Variants in IMMP2L observed in about 807,000 individuals in gnomAD.
The protein encoded by IMMP2L is mitochondrial inner membrane protease subunit 2.
IMMP2L carries 18 observed loss-of-function variants against 19.3 expected under a neutral mutation model. The ratio of observed to expected loss-of-function variants is 0.93; its 90% CI spans 0.64 to 1.38. The LOEUF is 1.38. Among genes scored for constraint, IMMP2L ranks in the 40% most tolerant of loss-of-function variants. The probability of loss-of-function intolerance (pLI) is 0.00; values close to 1 mark genes in which losing one functional copy is unlikely to be tolerated. For missense variants in IMMP2L, 233 were observed against 218.2 expected (o/e 1.07, Z -0.43); for synonymous variants, 76 against 73.0 (o/e 1.04, Z -0.21).
chr7:111,371,151 T>C (rs1450240071), intron 3 of IMMP2L, among the ~76,000 whole-genome samples: 2 of 151,896 alleles, frequency 1.3e-5, no homozygotes, highest in Non-Finnish European at 1.5e-5. Flanking sequence ...TCAAAATACA[T>C]AGCAACTTGA....
intron 3 of IMMP2L, among the ~76,000 whole-genome samples, chr7:111,289,554 G>A (rs1305078692): frequency 6.6e-6 from 1 of 151,992 alleles, no homozygotes; most frequent in Non-Finnish European, 1.5e-5. Flanking sequence ...AAATTATAAT[G>A]AGCAAATTAT....
chr7:111,123,622 C>G lies in IMMP2L; in HGVS notation c.240-160057G>C. 1 of 1,613,594 alleles carries G rather than the reference C, an allele frequency of 6.2e-7. No homozygotes were observed. The highest frequency in any genetic ancestry group is 8.5e-7 in the Non-Finnish European group (1 of 1,179,710). On this transcript the variant is annotated intron_variant, in intron 3 of 5. Transcript: ENST00000405709. This position sits in a 1 kb window ranked among gnomAD's most constrained non-coding sequence, Gnocchi z 6.4. The stretch of plus-strand genomic sequence containing the variant: ...ACGAAGGGGTGATTTTAGCAATATG[C>G]TACACTTAAAAGAGTTGGGGATAAA...
At chr7:111,186,018 C>T (rs1808226143) in intron 3 of IMMP2L, among the ~76,000 whole-genome samples, 1 of 152,144 alleles carries the variant, frequency 6.6e-6, no homozygotes, top group African/African-American at 2.4e-5. Flanking sequence ...CATCTTAATA[C>T]ATTTAAATAT....
chr7:110,971,012 A>C (rs1332344336), intron 3 of IMMP2L, among the ~76,000 whole-genome samples: 1 of 152,160 alleles, frequency 6.6e-6, no homozygotes, highest in Admixed American at 6.6e-5. Context: ...TGTATTTTCT[A>C]TATCAAACCA....
intron 2 of IMMP2L, among the ~76,000 whole-genome samples, chr7:111,506,134 C>G (rs963511329): frequency 6.6e-6 from 1 of 151,358 alleles, no homozygotes; most frequent in Non-Finnish European, 1.5e-5. Context: ...CTGTCCAGGA[C>G]TTCGAGGCTG....
intron 2 of IMMP2L, among the ~76,000 whole-genome samples, chr7:111,504,493 A>T (rs1484125883): frequency 9.9e-5 from 15 of 152,086 alleles, no homozygotes; most frequent in African/African-American, 3.1e-4. Flanking sequence ...TATGGAACCA[A>T]AAAAGAGCCT....
chr7:111,355,957 A>T (rs1383607163), intron 3 of IMMP2L, among the ~76,000 whole-genome samples: 1 of 152,050 alleles, frequency 6.6e-6, no homozygotes, highest in Non-Finnish European at 1.5e-5. Context: ...TCATGAGTAT[A>T]TGATTATCTG....
chr7:110,694,627 G>T (rs1474679985), intron 5 of IMMP2L, among the ~76,000 whole-genome samples: 3 of 152,088 alleles, frequency 2.0e-5, no homozygotes, highest in African/African-American at 7.2e-5. Flanking sequence ...AACAGAGAGA[G>T]CGAGAGAAAG....
At chr7:111,075,644 C>T (rs1191173986) in intron 3 of IMMP2L, among the ~76,000 whole-genome samples, 1 of 152,030 alleles carries the variant, frequency 6.6e-6, no homozygotes, top group Admixed American at 6.5e-5. Context: ...TCTCACTGTC[C>T]TCTGCTGGCT....
chr7:111,513,412 TC>T (rs770368664), intron 2 of IMMP2L, among the ~76,000 whole-genome samples: 14 of 152,148 alleles, frequency 9.2e-5, no homozygotes, highest in Non-Finnish European at 1.6e-4. Context: ...CAATGAGATG[TC>T]ACCTCATACC....
At chr7:111,167,530 A>T (rs74968287) in intron 3 of IMMP2L, among the ~76,000 whole-genome samples, 2,351 of 152,030 alleles carry the variant, frequency 0.015, 56 homozygotes, top group African/African-American at 0.054. Flanking sequence ...AAATAATATC[A>T]GAAGGTTACC....
At position 111,106,774 on chromosome 7, in the gene IMMP2L, G is replaced by T. The variant is rs1586307661; in HGVS notation, c.240-143209C>A. On this transcript the variant is annotated intron_variant, in intron 3 of 5. Coordinates refer to ENST00000405709, the MANE Select transcript of IMMP2L (RefSeq NM_032549.4). Reference sequence around the variant, plus strand: ...CCTGACTATACTGTATAAGACTTCTGCTGTACCATTTAATCATACCAAAAA... The same window carrying T: ...CCTGACTATACTGTATAAGACTTCTTCTGTACCATTTAATCATACCAAAAA... Among the ~76,000 whole-genome samples the T allele has an allele frequency of 2.0e-5, 3 of 149,918 alleles. 1 individual carries two copies. The highest frequency in any genetic ancestry group is 1.3e-4 in the Admixed American group (2 of 14,924).
intron 3 of IMMP2L, among the ~76,000 whole-genome samples, chr7:111,452,220 T>C (rs899710952): frequency 8.5e-5 from 13 of 152,154 alleles, no homozygotes; most frequent in African/African-American, 3.1e-4. Flanking sequence ...ATGCATCAGG[T>C]TTAGTAAAGC....
At chr7:111,545,187 C>A (rs1585623688) in intron 1 of IMMP2L, among the ~76,000 whole-genome samples, 1 of 151,748 alleles carries the variant, frequency 6.6e-6, no homozygotes, top group African/African-American at 2.4e-5. Flanking sequence ...TCAGCTCTGC[C>A]CATAGATGCT....
At chr7:111,118,499 A>T (rs1241580035) in intron 3 of IMMP2L, among the ~76,000 whole-genome samples, 1 of 152,070 alleles carries the variant, frequency 6.6e-6, no homozygotes, top group Non-Finnish European at 1.5e-5. Context: ...CTAGGTTTTA[A>T]TCCCACCCCA....
chr7:111,063,027 C>T lies in IMMP2L; in HGVS notation c.240-99462G>A, dbSNP rs576464896. 2.4e-3 allele frequency among the ~76,000 whole-genome samples: 363 copies of T among 152,350 alleles called. 2 individuals are homozygous for T. Among genetic ancestry groups the T allele is most frequent in the South Asian group, 4.6e-3 (22 of 4,832 alleles). ...CTCACAGCTCCACTAGGCAGTGCCC[C>T]AGTAGGGACTCTGTGGGGACTCCCA... On this transcript the variant is annotated intron_variant, in intron 3 of 5. Transcript: ENST00000405709.
rs145906383 is a variant in IMMP2L at position 111,124,481 on chromosome 7, G to A, written c.240-160916C>T. ...AATTCTCATGCTGCGCAAAGTGCTC[G>A]AATACCATCTGATGTCAAGGTATAT... On this transcript the variant is annotated intron_variant, in intron 3 of 5. Transcript: ENST00000405709. 2.2e-4 allele frequency: 351 copies of A among 1,613,842 alleles called. No homozygotes were observed. Among genetic ancestry groups the A allele is most frequent in the Admixed American group, 2.7e-4 (16 of 59,922 alleles).
intron 5 of IMMP2L, among the ~76,000 whole-genome samples, chr7:110,675,382 A>C (rs563200333): frequency 2.7e-4 from 41 of 152,238 alleles, no homozygotes; most frequent in Admixed American, 1.8e-3. Flanking sequence ...AAACAGGCTC[A>C]GTTCTCCCAT....
chr7:111,123,266 ATCT>A lies in IMMP2L; in HGVS notation c.240-159704_240-159702del. The A allele has an allele frequency of 6.2e-7, 1 of 1,613,876 alleles. No individual in the cohort carries two copies. The highest frequency in any genetic ancestry group is 1.7e-5 in the Admixed American group (1 of 59,948). ...CCTGGAGCCTTTATTGGCCTACATA[ATCT>A]TCTTCGACTTCATCTCAATTCAAAT... On this transcript the variant is annotated intron_variant, in intron 3 of 5. Transcript: ENST00000405709. The surrounding 1 kb of genome is among the most constrained non-coding windows in gnomAD (Gnocchi z 6.4).
Sources: allele counts gnomAD v4.1 joint callset (sites outside exome capture counted in the v4.1 genomes callset), GRCh38; gene constraint gnomAD v4.1.1; non-coding constraint Gnocchi (gnomAD v3.1); transcripts MANE v1.5; gene names NCBI Gene and HGNC (gene_info 2026-07-23, HGNC 2026-07-21).